The following L3MBTL4 variants were observed in gnomAD, a reference collection of about 807,000 sequenced individuals.
L3MBTL4 encodes L3MBTL histone methyl-lysine binding protein 4.
A neutral mutation model predicts 84.5 loss-of-function variants in L3MBTL4; 70 were observed. That is an observed-to-expected ratio of 0.83 (90% confidence interval 0.68 to 1.01). The LOEUF (loss-of-function observed/expected upper bound fraction) is 1.01, where lower values mean the gene tolerates loss of function less well. Ranked by LOEUF, L3MBTL4 falls within the 50% of genes least tolerant of loss-of-function variation. L3MBTL4 has a pLI of 0.00. For synonymous variants in L3MBTL4, 274 were observed against 259.8 expected, an observed-to-expected ratio of 1.05 and a Z score of -0.52; for missense variants, 715 against 754.8, an observed-to-expected ratio of 0.95 and a Z score of 0.62.
chr18:6,360,867 G>T (rs897355295), intron 1 of L3MBTL4, among the ~76,000 whole-genome samples: 2 of 147,622 alleles, frequency 1.4e-5, no homozygotes, highest in African/African-American at 4.9e-5. Flanking sequence ...TAAAAAATTA[G>T]CTGGGCATGG....
At position 6,037,089 on chromosome 18, in the gene L3MBTL4, C is replaced by T. The variant is rs975063531; in HGVS notation, c.1444+43792G>A. On this transcript the variant is annotated intron_variant, in intron 16 of 18. Coordinates refer to ENST00000317931, the MANE Select transcript of L3MBTL4 (RefSeq NM_001330559.2). ...GAGATGTGACAACAATGCTCACCACCTCTTTGCACTTCTGTGATCGGAAGC... is the reference window on the plus strand; with the variant it reads ...GAGATGTGACAACAATGCTCACCACTTCTTTGCACTTCTGTGATCGGAAGC... Among the ~76,000 whole-genome samples the T allele has an allele frequency of 8.5e-5, 13 of 152,322 alleles. No homozygotes were observed. In the South Asian group the frequency reaches 1.0e-3, roughly 12 times the overall value.
intron 1 of L3MBTL4, 109 bp from the exon 2 acceptor site, chr18:6,312,165 A>G (rs1258473040): frequency 2.0e-5 from 3 of 152,244 alleles, no homozygotes; most frequent in African/African-American, 7.2e-5. Context: ...TTGAAATGAG[A>G]TTTTTTACAG....
intron 4 of L3MBTL4, among the ~76,000 whole-genome samples, chr18:6,268,364 G>A (rs566494714): frequency 8.5e-5 from 13 of 152,148 alleles, no homozygotes; most frequent in South Asian, 8.3e-4. Context: ...CCGAGATGGC[G>A]CCATTGCACT....
chr18:6,138,502 C>T (rs2060099688), intron 13 of L3MBTL4, among the ~76,000 whole-genome samples: 1 of 152,174 alleles, frequency 6.6e-6, no homozygotes, highest in African/African-American at 2.4e-5. Flanking sequence ...ACCAACAGCA[C>T]AACCCATATC....
At chr18:6,246,495 G>T (rs2047670891) in intron 5 of L3MBTL4, among the ~76,000 whole-genome samples, 1 of 152,158 alleles carries the variant, frequency 6.6e-6, no homozygotes, top group Non-Finnish European at 1.5e-5. Flanking sequence ...GGAAAATGAT[G>T]AGTAGAACCT....
At chr18:6,134,223 C>T (rs146924162) in intron 14 of L3MBTL4, among the ~76,000 whole-genome samples, 1 of 152,232 alleles carries the variant, frequency 6.6e-6, no homozygotes, top group African/African-American at 2.4e-5. Context: ...AAGACCTGCC[C>T]CCATGATTCA....
rs376629492 is a variant in L3MBTL4 at position 6,032,245 on chromosome 18, G to A, written c.1444+48636C>T. 3.7e-5 allele frequency: 31 copies of A among 838,554 alleles called. No homozygotes were observed. The East Asian group carries it at 3.2e-3, about 87-fold the overall frequency. The allele number at this position is 838,554 out of a possible 1,614,324, so 51.9% of individuals were successfully genotyped here. ...GCCTGCCTCGGCCTCCCAAAGTGCT[G>A]GGATTACAGGCATGAGCCACCGCAC... On this transcript the variant is annotated intron_variant, in intron 16 of 18. Transcript: ENST00000317931.
intron 13 of L3MBTL4, among the ~76,000 whole-genome samples, chr18:6,168,109 C>T (rs2145145250): frequency 6.6e-6 from 1 of 152,206 alleles, no homozygotes; most frequent in South Asian, 2.1e-4. Flanking sequence ...AATAGGAATC[C>T]AACTTACAAG....
At chr18:6,050,751 G>A (rs1464057279) in intron 16 of L3MBTL4, among the ~76,000 whole-genome samples, 2 of 152,132 alleles carry the variant, frequency 1.3e-5, no homozygotes, top group African/African-American at 2.4e-5. Context: ...GGTCTGAAAT[G>A]AGTTCTGGAG....
intron 14 of L3MBTL4, among the ~76,000 whole-genome samples, chr18:6,111,788 A>G (rs1424164741): frequency 6.6e-6 from 1 of 152,200 alleles, no homozygotes; most frequent in Non-Finnish European, 1.5e-5. Context: ...ACATTGGAGA[A>G]TGATTCAATC....
At chr18:6,362,207 A>C (rs1599778712) in intron 1 of L3MBTL4, among the ~76,000 whole-genome samples, 3 of 81,506 alleles carry the variant, frequency 3.7e-5, no homozygotes, top group African/African-American at 5.8e-5. Context: ...GAGGGAGGGA[A>C]GGAGGGAGGG....
intron 13 of L3MBTL4, among the ~76,000 whole-genome samples, chr18:6,166,150 C>G (rs568971476): frequency 2.6e-5 from 4 of 152,202 alleles, no homozygotes; most frequent in Admixed American, 6.5e-5. Context: ...ATATATGCAC[C>G]CAATACAGGA....
intron 1 of L3MBTL4, among the ~76,000 whole-genome samples, chr18:6,328,068 C>T (rs1026093868): frequency 1.3e-5 from 2 of 152,208 alleles, no homozygotes; most frequent in East Asian, 3.9e-4. Context: ...TGGCAACAGC[C>T]TCTTTACACT....
At chr18:6,064,256 T>G (rs1257426340) in intron 16 of L3MBTL4, among the ~76,000 whole-genome samples, 4 of 152,142 alleles carry the variant, frequency 2.6e-5, no homozygotes, top group African/African-American at 7.2e-5. Flanking sequence ...CTTTGATAAT[T>G]ACAGCCTTGT....
intron 1 of L3MBTL4, among the ~76,000 whole-genome samples, chr18:6,351,794 G>A (rs1266455058): frequency 6.6e-6 from 1 of 151,832 alleles, no homozygotes; most frequent in Non-Finnish European, 1.5e-5. Context: ...CTCGTGATCC[G>A]CCCGCCTCAG....
At chr18:6,010,186 C>T (rs949445313) in intron 16 of L3MBTL4, among the ~76,000 whole-genome samples, 2 of 151,968 alleles carry the variant, frequency 1.3e-5, no homozygotes, top group Non-Finnish European at 2.9e-5. Flanking sequence ...TAAGAAGCCT[C>T]TATTCTCTCT....
At chr18:6,072,329 G>C (rs758299550) in intron 16 of L3MBTL4, among the ~76,000 whole-genome samples, 1 of 151,848 alleles carries the variant, frequency 6.6e-6, no homozygotes, top group Non-Finnish European at 1.5e-5. Flanking sequence ...GACCACAGTG[G>C]AATAAAATTC....
Position 6,215,789 on chromosome 18 carries a change from A to G in L3MBTL4, c.831T>C (p.Ala277=), listed in dbSNP as rs777098440. Residue 277 remains alanine, a synonymous_variant, in exon 11 of 19, where the codon GCT becomes GCC. Coordinates refer to ENST00000317931, the MANE Select transcript of L3MBTL4 (RefSeq NM_001330559.2). ...TGGCAGGAACTGCATTGGTTTGAGT[A>G]GCTTCCAGGTATTCTGTCCAGGAAA... The part of the protein sequence containing the change: ...ENFSWTEYLE[A]TQTNAVPAKV... 2.5e-6 allele frequency: 4 copies of G among 1,608,524 alleles called. No individual in the cohort carries two copies. In the East Asian group the frequency reaches 8.9e-5, roughly 36 times the overall value.
At chr18:6,188,874 A>G (rs893443051) in intron 12 of L3MBTL4, among the ~76,000 whole-genome samples, 7 of 152,228 alleles carry the variant, frequency 4.6e-5, no homozygotes, top group African/African-American at 1.7e-4. Context: ...CTATCAACAC[A>G]TTTGAAACCA....
Sources: allele counts gnomAD v4.1 joint callset (sites outside exome capture counted in the v4.1 genomes callset), GRCh38; gene constraint gnomAD v4.1.1; transcripts MANE v1.5; gene names NCBI Gene and HGNC (gene_info 2026-07-23, HGNC 2026-07-21).